Variants in STARD13 observed in about 807,000 individuals in gnomAD.
STARD13 encodes the protein stAR-related lipid transfer protein 13.
STARD13 carries 62 observed loss-of-function variants against 106.4 expected under a neutral mutation model. The ratio of observed to expected loss-of-function variants is 0.58; its 90% CI spans 0.48 to 0.72. The LOEUF is 0.72. Among genes scored for constraint, STARD13 ranks in the 30% least tolerant of loss-of-function variants. The pLI is 0.00. For missense variants in STARD13, 1,387 were observed against 1,424.0 expected (o/e 0.97, Z 0.42); for synonymous variants, 565 against 553.0 (o/e 1.02, Z -0.31).
chr13:33,237,955 C>T (rs2138235103), intron 1 of STARD13, among the ~76,000 whole-genome samples: 1 of 152,290 alleles, frequency 6.6e-6, no homozygotes, highest in East Asian at 1.9e-4. Flanking sequence ...AAAATTATGT[C>T]TTTCAAGAAC....
chr13:33,227,762 TC>T (rs1380807792), intron 1 of STARD13, among the ~76,000 whole-genome samples: 1 of 151,994 alleles, frequency 6.6e-6, no homozygotes, highest in East Asian at 1.9e-4. Context: ...CTTCCCTCAC[TC>T]CCATTTTTTC....
At chr13:33,244,517 G>T (rs1399768678) in intron 1 of STARD13, among the ~76,000 whole-genome samples, 1 of 151,996 alleles carries the variant, frequency 6.6e-6, no homozygotes, top group Non-Finnish European at 1.5e-5. Context: ...CTCTTATCAA[G>T]AAGAGCCCTC....
At chr13:33,492,584 T>C in the STARD13 span, among the ~76,000 whole-genome samples, 2 of 152,150 alleles carry the variant, frequency 1.3e-5, no homozygotes, top group Admixed American at 1.3e-4. Flanking sequence ...TCTCTGGTCA[T>C]CCTCACTGCT....
intron 1 of STARD13, among the ~76,000 whole-genome samples, chr13:33,182,674 G>T (rs531453633): frequency 9.3e-4 from 141 of 152,330 alleles, no homozygotes; most frequent in Non-Finnish European, 1.7e-3. Context: ...AAGCCATCCT[G>T]GGCTGCATGC....
At chr13:33,485,852 A>G in the STARD13 span, among the ~76,000 whole-genome samples, 1 of 152,250 alleles carries the variant, frequency 6.6e-6, no homozygotes, top group Non-Finnish European at 1.5e-5. Flanking sequence ...TCAACGCCAA[A>G]GAAGGTCCAT....
At chr13:33,206,634 T>A (rs1170841173) in intron 1 of STARD13, among the ~76,000 whole-genome samples, 1 of 152,168 alleles carries the variant, frequency 6.6e-6, no homozygotes, top group Admixed American at 6.5e-5. Flanking sequence ...TGGGATGCAT[T>A]TCAGGTTCCA....
At chr13:33,507,944 C>G in the STARD13 span, among the ~76,000 whole-genome samples, 2 of 152,034 alleles carry the variant, frequency 1.3e-5, no homozygotes, top group African/African-American at 4.8e-5. Flanking sequence ...CTTGCCGTCT[C>G]AGGGGTGGCA....
chr13:33,459,205 C>T, the STARD13 span, among the ~76,000 whole-genome samples: 134 of 152,144 alleles, frequency 8.8e-4, 1 homozygote, highest in Middle Eastern at 0.01. Flanking sequence ...AACATCTCTT[C>T]CCTCCAAAAG....
intron 1 of STARD13, chr13:33,350,220 G>T (rs1646156905): frequency 6.9e-7 from 1 of 1,447,642 alleles, no homozygotes; most frequent in East Asian, 2.7e-5. Context: ...GGAGGGCGGC[G>T]GGCCCGGGCG....
chr13:33,172,875 A>G (rs1318383425), intron 1 of STARD13, among the ~76,000 whole-genome samples: 2 of 152,198 alleles, frequency 1.3e-5, no homozygotes, highest in African/African-American at 2.4e-5. Flanking sequence ...TGTTCCTACA[A>G]ATCTCCTTGA....
rs1392547164 is a variant in STARD13 at position 33,112,920 on chromosome 13, C to T, written c.2293G>A (p.Glu765Lys). 2 of 1,606,946 alleles carry T rather than the reference C, an allele frequency of 1.2e-6. No individual in the cohort carries two copies. Among genetic ancestry groups the T allele is most frequent in the Non-Finnish European group, 1.7e-6 (2 of 1,177,160 alleles). ...FLHIYQYVSK[E>K]QRLQAVQAAI... ...GCCTGCACGGCCTGCAGCCGCTGCTCTTTGGAGACATCTGAGGAAAAGTGG... is the reference window on the plus strand; with the variant it reads ...GCCTGCACGGCCTGCAGCCGCTGCTTTTTGGAGACATCTGAGGAAAAGTGG... The change falls in exon 9 of 14, where the codon GAG becomes AAG. Residue 765 changes from glutamate (E) to lysine (K), a missense_variant. By Grantham distance (56) the Glu-to-Lys change is moderately conservative. Transcript: ENST00000336934.
At position 33,127,565 on chromosome 13, in the gene STARD13, C is replaced by G; in HGVS notation, c.1749-19G>C. The G allele has an allele frequency of 6.6e-7, 1 of 1,517,464 alleles. No individual in the cohort carries two copies. Among genetic ancestry groups the G allele is most frequent in the Non-Finnish European group, 8.8e-7 (1 of 1,141,664 alleles). The allele number at this position is 1,517,464 out of a possible 1,614,324, so 94.0% of individuals were successfully genotyped here. ...GAGTCGCCTTTACCAGAGAGACCAT[C>G]AGAGAAGCCAGTCACAAAGTGGACT... On this transcript the variant is annotated intron_variant, in intron 5 of 13. Transcript: ENST00000336934.
At chr13:33,189,885 T>C (rs1886116835) in intron 1 of STARD13, among the ~76,000 whole-genome samples, 1 of 152,074 alleles carries the variant, frequency 6.6e-6, no homozygotes, top group African/African-American at 2.4e-5. Context: ...AGCATCTTAC[T>C]TTCAACTGCA....
At chr13:33,489,214 T>C in the STARD13 span, among the ~76,000 whole-genome samples, 1 of 152,224 alleles carries the variant, frequency 6.6e-6, no homozygotes, top group Non-Finnish European at 1.5e-5. Flanking sequence ...TTGATTAGAA[T>C]TGCTAATAAA....
chr13:33,575,328 A>C, the STARD13 span, among the ~76,000 whole-genome samples: 2 of 152,194 alleles, frequency 1.3e-5, no homozygotes, highest in African/African-American at 4.8e-5. Context: ...AATTTGGACA[A>C]ATTATTTTAC....
chr13:33,662,690 G>A, the STARD13 span, among the ~76,000 whole-genome samples: 1 of 152,182 alleles, frequency 6.6e-6, no homozygotes, highest in African/African-American at 2.4e-5. Context: ...GGAGCAGGGA[G>A]TATACCATGC....
rs187285035 is a variant in STARD13, at chr13:33,106,460, T to C, written c.3224+298A>G. ...GAGAGGGAAACTCTGATTTACTGAGTACCTACTATGTGTCAGGCTCTGTTT... is the reference window on the plus strand; with the variant it reads ...GAGAGGGAAACTCTGATTTACTGAGCACCTACTATGTGTCAGGCTCTGTTT... On this transcript the variant is annotated intron_variant, in intron 13 of 13. Transcript: ENST00000336934. Among the ~76,000 whole-genome samples, 333 of 152,234 alleles carry C rather than the reference T, an allele frequency of 2.2e-3. 2 individuals are homozygous for C. Among genetic ancestry groups the C allele is most frequent in the African/African-American group, 7.4e-3 (309 of 41,526 alleles).
chr13:33,261,342 C>T (rs545729650), intron 1 of STARD13, among the ~76,000 whole-genome samples: 33 of 152,182 alleles, frequency 2.2e-4, no homozygotes, highest in African/African-American at 6.7e-4. Flanking sequence ...CCCCAAATGT[C>T]GATAGTGGGG....
chr13:33,314,320 G>A (rs913849984), intron 1 of STARD13, among the ~76,000 whole-genome samples: 1 of 152,152 alleles, frequency 6.6e-6, no homozygotes, highest in African/African-American at 2.4e-5. Flanking sequence ...GCTAACTCAA[G>A]GGCAACAGAC....
Sources: allele counts gnomAD v4.1 joint callset (sites outside exome capture counted in the v4.1 genomes callset), GRCh38; gene constraint gnomAD v4.1.1; transcripts MANE v1.5; gene names NCBI Gene and HGNC (gene_info 2026-07-23, HGNC 2026-07-21).